IGFBP4: variants seen among roughly 807,000 people sequenced by gnomAD.
IGFBP4 encodes the protein insulin like growth factor binding protein 4.
Under a neutral mutation model 25.8 loss-of-function variants are expected in IGFBP4, and 9 were observed. That is an observed-to-expected ratio of 0.35 (90% confidence interval 0.21 to 0.61). The LOEUF is 0.61. Ranked by LOEUF, IGFBP4 falls within the 20% of genes least tolerant of loss-of-function variation. IGFBP4 has a pLI of 0.77. For missense variants in IGFBP4, 315 were observed against 365.3 expected, an observed-to-expected ratio of 0.86 and a Z score of 1.12; for synonymous variants, 153 against 153.9, an observed-to-expected ratio of 0.99 and a Z score of 0.05.
chr17:40,445,863 CCT>C (rs1213271423), intron 1 of IGFBP4, among the ~76,000 whole-genome samples: 1 of 152,106 alleles, frequency 6.6e-6, no homozygotes, highest in Non-Finnish European at 1.5e-5. Flanking sequence ...GTAGCCTCCT[CCT>C]CTCTCAGCAC....
At chr17:40,452,009 T>A (rs943472329) in intron 1 of IGFBP4, among the ~76,000 whole-genome samples, 21 of 152,056 alleles carry the variant, frequency 1.4e-4, no homozygotes, top group Non-Finnish European at 2.1e-4. Flanking sequence ...GGTTAATTTT[T>A]AAATTTTTTG....
chr17:40,447,644 G>A (rs535690707), intron 1 of IGFBP4, among the ~76,000 whole-genome samples: 8 of 152,198 alleles, frequency 5.3e-5, no homozygotes, highest in South Asian at 2.1e-4. Flanking sequence ...TTGGTGCCTC[G>A]GGTATCAGGA....
chr17:40,444,884 A>AACACACACACACACACAC (rs756211064), intron 1 of IGFBP4, among the ~76,000 whole-genome samples: 1 of 80,304 alleles, frequency 1.2e-5, no homozygotes, highest in Non-Finnish European at 2.4e-5. Flanking sequence ...GAGAGAGAGA[A>AACACACACACACACACAC]ACACACACAC....
rs1310543272 is a variant in IGFBP4 at position 40,444,084 on chromosome 17, G to A, written c.349G>A (p.Asp117Asn). Reference protein sequence around the residue: ...EAIQESLQPSDKDEGDHPNNS... With the variant: ...EAIQESLQPSNKDEGDHPNNS... The stretch of plus-strand genomic sequence containing the variant: ...CATCCAGGAAAGCCTGCAGCCCTCT[G>A]GTAAGGTACCCCTGGCCTCCCAATT... The change falls in exon 1 of 4, where the codon GAC becomes AAC. Residue 117 changes from aspartate (D) to asparagine (N), a missense_variant and splice_region_variant. Physicochemically the swap from Asp to Asn is conservative, Grantham distance 23. Transcript: ENST00000269593. 2 of 1,534,276 alleles carry A rather than the reference G, an allele frequency of 1.3e-6. No individual in the cohort carries two copies. The highest frequency in any genetic ancestry group is 1.7e-6 in the Non-Finnish European group (2 of 1,145,258).
At position 40,444,947 on chromosome 17, in the gene IGFBP4, AG is replaced by A. The variant is rs1447899392; in HGVS notation, c.349+864del. Among the ~76,000 whole-genome samples, 22 of 101,938 alleles carry A rather than the reference AG, an allele frequency of 2.2e-4. No individual in the cohort carries two copies. The East Asian group carries it at 4.8e-3, about 22-fold the overall frequency. The allele number at this position is 101,938 out of a possible 152,430, so 66.9% of individuals were successfully genotyped here. A position where few individuals can be genotyped will look rare whatever the true frequency, so the allele number is the denominator to read the frequency against. On this transcript the variant is annotated intron_variant, in intron 1 of 3. Transcript: ENST00000269593. ...CACACAGAGACAGAGAGAGAGAGAG[AG>A]AGAGAGAGAGAGAGAGAGAGAGAGA...
At chr17:40,445,446 A>G (rs2035639347) in intron 1 of IGFBP4, among the ~76,000 whole-genome samples, 1 of 152,128 alleles carries the variant, frequency 6.6e-6, no homozygotes, top group Non-Finnish European at 1.5e-5. Context: ...CTCCAGCCCC[A>G]AGCTTCCTGT....
Position 40,443,798 on chromosome 17 carries a change from C to T in IGFBP4, c.63C>T (p.Gly21=), listed in dbSNP as rs769567327. 2.6e-6 allele frequency: 4 copies of T among 1,524,696 alleles called. No homozygotes were observed. The highest frequency in any genetic ancestry group is 3.5e-6 in the Non-Finnish European group (4 of 1,144,120). The allele number at this position is 1,524,696 out of a possible 1,614,324, so 94.4% of individuals were successfully genotyped here. Residue 21 remains glycine (G), a synonymous_variant, in exon 1 of 4, where the codon GGC becomes GGT. Transcript: ENST00000269593. Reference sequence around the variant, plus strand: ...CCGCCGGGCCCGGGCCGAGCCTGGGCGACGAAGCCATCCACTGCCCGCCCT... The same window carrying T: ...CCGCCGGGCCCGGGCCGAGCCTGGGTGACGAAGCCATCCACTGCCCGCCCT... ...LLAAGPGPSL[G]DEAIHCPPCS... is the part of the protein sequence containing the mutation.
At chr17:40,450,483 C>A (rs1302750005) in intron 1 of IGFBP4, among the ~76,000 whole-genome samples, 1 of 152,122 alleles carries the variant, frequency 6.6e-6, no homozygotes, top group African/African-American at 2.4e-5. Flanking sequence ...AGCCTCTGTC[C>A]TTCTGACATT....
At chr17:40,452,119 T>C (rs1257643934) in intron 1 of IGFBP4, among the ~76,000 whole-genome samples, 1 of 152,192 alleles carries the variant, frequency 6.6e-6, no homozygotes, top group East Asian at 1.9e-4. Context: ...ATTACAGGCA[T>C]GAGCCACAAT....
At chr17:40,454,095 G>C (rs2035702151) in intron 3 of IGFBP4, 33 bp downstream of exon 3, 1 of 1,601,284 alleles carries the variant, frequency 6.2e-7, no homozygotes, top group Non-Finnish European at 8.5e-7. Context: ...CTTGGCCCTG[G>C]ACTCAGCTCT....
intron 1 of IGFBP4, among the ~76,000 whole-genome samples, chr17:40,447,999 G>A (rs1004327329): frequency 1.3e-5 from 2 of 152,366 alleles, no homozygotes; most frequent in Non-Finnish European, 2.9e-5. Context: ...TTCTGAGGCT[G>A]GCAGCATGAC....
In IGFBP4 at chr17:40,453,661, C is replaced by G. The variant is rs2035698635; in HGVS notation, c.508-267C>G. On this transcript the variant is annotated intron_variant, in intron 2 of 3. Transcript: ENST00000269593. This position sits in a 1 kb window ranked among gnomAD's most constrained non-coding sequence, Gnocchi z 4.0. ...CCCTCCCTGGCTTTCTGCATAGGTT[C>G]CCACAGCCCCTTTCCCCACAGTGTC... is the stretch of plus-strand genomic sequence containing the variant. 6.6e-6 allele frequency among the ~76,000 whole-genome samples: 1 copy of G among 152,214 alleles called. No homozygotes were observed. The highest frequency in any genetic ancestry group is 1.9e-4 in the East Asian group (1 of 5,168).
intron 1 of IGFBP4, among the ~76,000 whole-genome samples, chr17:40,446,911 T>C (rs899556955): frequency 2.5e-4 from 38 of 152,186 alleles, no homozygotes; most frequent in Non-Finnish European, 4.6e-4. Context: ...AGGCACTCTC[T>C]AGAGTTCTGC....
chr17:40,445,867 T>C (rs1302902924), intron 1 of IGFBP4, among the ~76,000 whole-genome samples: 4 of 152,026 alleles, frequency 2.6e-5, no homozygotes, highest in Non-Finnish European at 5.9e-5. Context: ...CCTCCTCCTC[T>C]CTCAGCACTT....
At chr17:40,451,589 G>A (rs1379715680) in intron 1 of IGFBP4, among the ~76,000 whole-genome samples, 1 of 152,026 alleles carries the variant, frequency 6.6e-6, no homozygotes, top group East Asian at 1.9e-4. Flanking sequence ...AAACCCTGAC[G>A]CAAACCAGAT....
chr17:40,448,158 A>G (rs781508342), intron 1 of IGFBP4, among the ~76,000 whole-genome samples: 1 of 152,256 alleles, frequency 6.6e-6, no homozygotes, highest in Non-Finnish European at 1.5e-5. Flanking sequence ...TCTGGATCAC[A>G]GCTGAAACTT....
intron 1 of IGFBP4, among the ~76,000 whole-genome samples, chr17:40,451,696 C>G (rs1308110467): frequency 6.6e-6 from 1 of 152,212 alleles, no homozygotes; most frequent in Non-Finnish European, 1.5e-5. Context: ...TCAGAGGTGG[C>G]TCTGATCTGC....
In IGFBP4 at chr17:40,453,958, C is replaced by G; in HGVS notation, c.538C>G (p.Arg180Gly). 6.2e-7 allele frequency: 1 copy of G among 1,612,010 alleles called. No individual in the cohort carries two copies. The highest frequency in any genetic ancestry group is 8.5e-7 in the Non-Finnish European group (1 of 1,179,286). The change falls in exon 3 of 4, where the codon CGG becomes GGG. Residue 180 changes from arginine (R) to glycine (G), a missense_variant. By Grantham distance (125) the Arg-to-Gly change is moderately radical (BLOSUM62 -2). Coordinates refer to ENST00000269593, the MANE Select transcript of IGFBP4 (RefSeq NM_001552.3). The surrounding 1 kb of genome is among the most constrained non-coding windows in gnomAD (Gnocchi z 4.0). ...PQGSCQSELH[R>G]ALERLAASQS... ...GGGCTCCTGCCAGAGCGAGCTGCAC[C>G]GGGCGCTGGAGCGGCTGGCCGCTTC...
At chr17:40,444,912 CACACACACACACACAGAGACAG>C (rs1312171390) in intron 1 of IGFBP4, among the ~76,000 whole-genome samples, 24 of 85,904 alleles carry the variant, frequency 2.8e-4, no homozygotes, top group African/African-American at 8.4e-4. Flanking sequence ...CACACACACA[CACACACACACACACAGAGACAG>C]AGAGAGAGAG....
Sources: gnomAD v4.1 joint callset for allele counts (sites outside exome capture counted in the v4.1 genomes callset) on GRCh38, gnomAD v4.1.1 for gene constraint, Gnocchi (gnomAD v3.1) non-coding constraint, MANE v1.5 for transcripts, NCBI Gene and HGNC (gene_info 2026-07-23, HGNC 2026-07-21) for gene names.